Variants in RFX4 observed in about 807,000 individuals in gnomAD.
RFX4 encodes regulatory factor X4.
Under a neutral mutation model 95.0 loss-of-function variants are expected in RFX4, and 10 were observed. The observed-to-expected ratio is 0.11, with a 90% CI of 0.06 to 0.18. RFX4 has a LOEUF of 0.18. RFX4 is among the 10% of genes least tolerant of loss of function. The pLI, the probability that RFX4 is intolerant of heterozygous loss-of-function variation, is 1.00. For missense variants in RFX4, 640 were observed against 922.0 expected (o/e 0.69, Z 3.96); for synonymous variants, 321 against 340.7 (o/e 0.94, Z 0.64).
intron 1 of RFX4, among the ~76,000 whole-genome samples, chr12:106,592,536 C>T (rs1012204765): frequency 6.6e-6 from 1 of 152,156 alleles, no homozygotes; most frequent in African/African-American, 2.4e-5. Flanking sequence ...CTGATCGAGG[C>T]CCCTCCACAA....
intron 4 of RFX4, among the ~76,000 whole-genome samples, chr12:106,657,612 T>C (rs1278755709): frequency 1.3e-5 from 2 of 152,194 alleles, no homozygotes; most frequent in Admixed American, 1.3e-4. Context: ...TTAAGGGTAA[T>C]GAAAGTTCAC....
chr12:106,703,797 G>A (rs2042033224), intron 8 of RFX4, among the ~76,000 whole-genome samples: 1 of 152,156 alleles, frequency 6.6e-6, no homozygotes, highest in Non-Finnish European at 1.5e-5. Context: ...CAGGCATGGT[G>A]GCTCATGCCT....
chr12:106,753,313 C>T (rs892705114), intron 17 of RFX4, among the ~76,000 whole-genome samples: 2 of 152,128 alleles, frequency 1.3e-5, no homozygotes, highest in African/African-American at 2.4e-5. Flanking sequence ...CCAGTCTCTT[C>T]GGCTGGGCAT....
In RFX4 at chr12:106,761,446, G is replaced by T; in HGVS notation, c.2185G>T (p.Ala729Ser). The T allele has an allele frequency of 6.2e-7, 1 of 1,613,790 alleles. No individual in the cohort carries two copies. The highest frequency in any genetic ancestry group is 8.5e-7 in the Non-Finnish European group (1 of 1,179,892). ...FPGFAYINGE[A>S]STGWAK ...TGGCTTTGCTTACATCAACGGAGAG[G>T]CCTCTACAGGATGGGCTAAATGACT... Residue 729 changes from alanine to serine, a missense_variant, in exon 18 of 18, where the codon GCC becomes TCC. Physicochemically the swap from Ala to Ser is moderately conservative, Grantham distance 99. Transcript: ENST00000392842.
intron 7 of RFX4, among the ~76,000 whole-genome samples, chr12:106,690,554 T>G (rs2041759547): frequency 6.6e-6 from 1 of 150,824 alleles, no homozygotes; most frequent in Admixed American, 6.6e-5. Flanking sequence ...ATCCAGTGCG[T>G]TTGTTCTTGG....
intron 6 of RFX4, 151 bp from the exon 7 acceptor site, chr12:106,689,136 A>G (rs568420115): frequency 5.7e-6 from 4 of 700,492 alleles, no homozygotes; most frequent in Admixed American, 2.4e-5. Context: ...AATGAAAATC[A>G]GTCTCACCTG....
At chr12:106,684,821 G>C in intron 5 of RFX4, 1 of 1,555,792 alleles carries the variant, frequency 6.4e-7, no homozygotes, top group South Asian at 1.2e-5. Context: ...AAAATGAACT[G>C]GGCTGCCTTC....
chr12:106,687,547 C>A (rs1481060389), intron 6 of RFX4, among the ~76,000 whole-genome samples: 1 of 131,402 alleles, frequency 7.6e-6, no homozygotes, highest in East Asian at 2.1e-4. Context: ...GAAACTCCAT[C>A]TCAAAAAAAA....
At chr12:106,733,670 G>A (rs1442486587) in intron 15 of RFX4, among the ~76,000 whole-genome samples, 1 of 152,214 alleles carries the variant, frequency 6.6e-6, no homozygotes, top group African/African-American at 2.4e-5. Flanking sequence ...AAGGAGGCAA[G>A]GGCTGTGATG....
In RFX4 at chr12:106,660,254, A is replaced by G. The variant is rs1227536154; in HGVS notation, c.315+5903A>G. ...ACTGCAAAACCAGATGGCAAATGCA[A>G]TTCCTGAGTATGAATGCAAGATTGG... On this transcript the variant is annotated intron_variant, in intron 4 of 17. Coordinates refer to ENST00000392842, the MANE Select transcript of RFX4 (RefSeq NM_213594.3). Among the ~76,000 whole-genome samples, 3 of 152,026 alleles carry G rather than the reference A, an allele frequency of 2.0e-5. No homozygotes were observed. In the East Asian group the frequency reaches 5.9e-4, roughly 30 times the overall value.
At chr12:106,751,086 C>A (rs956635974) in intron 17 of RFX4, among the ~76,000 whole-genome samples, 1 of 143,980 alleles carries the variant, frequency 6.9e-6, no homozygotes, top group Non-Finnish European at 1.5e-5. Context: ...TCCCTCCCCC[C>A]TCCCCCTACC....
intron 3 of RFX4, among the ~76,000 whole-genome samples, chr12:106,643,332 T>A (rs1235089269): frequency 6.6e-6 from 1 of 151,952 alleles, no homozygotes; most frequent in Non-Finnish European, 1.5e-5. Flanking sequence ...AGGTGGCCCA[T>A]GTGGTTGGAG....
intron 16 of RFX4, among the ~76,000 whole-genome samples, chr12:106,749,794 T>C (rs948340784): frequency 6.6e-6 from 1 of 152,152 alleles, no homozygotes; most frequent in Non-Finnish European, 1.5e-5. Flanking sequence ...GTCACACAGC[T>C]AGAAAGTCGT....
At chr12:106,595,424 G>A (rs1379175244) in intron 1 of RFX4, among the ~76,000 whole-genome samples, 1 of 152,162 alleles carries the variant, frequency 6.6e-6, no homozygotes, top group African/African-American at 2.4e-5. Flanking sequence ...TACTGTCGTG[G>A]GTGTCAGTGG....
At chr12:106,617,137 T>C (rs576788616) in intron 2 of RFX4, among the ~76,000 whole-genome samples, 1 of 152,318 alleles carries the variant, frequency 6.6e-6, no homozygotes, top group East Asian at 1.9e-4. Flanking sequence ...ATGTTTTCTC[T>C]GTTTTTCTTC....
chr12:106,643,537 G>A (rs2040679835), intron 3 of RFX4, among the ~76,000 whole-genome samples: 2 of 152,284 alleles, frequency 1.3e-5, no homozygotes, highest in South Asian at 2.1e-4. Flanking sequence ...TATGGTTTCA[G>A]TATAAAAACT....
intron 3 of RFX4, among the ~76,000 whole-genome samples, chr12:106,645,383 C>T (rs866976870): frequency 1.3e-5 from 2 of 152,148 alleles, no homozygotes; most frequent in East Asian, 1.9e-4. Context: ...CCTTGCCGCC[C>T]TTACCCAGAG....
chr12:106,653,719 TGTACA>T (rs1452593005), intron 3 of RFX4, among the ~76,000 whole-genome samples: 3 of 152,246 alleles, frequency 2.0e-5, no homozygotes. Flanking sequence ...GATCAGTGTC[TGTACA>T]GCTATACAGG....
chr12:106,609,804 C>G (rs927244552), intron 2 of RFX4, among the ~76,000 whole-genome samples: 2 of 151,872 alleles, frequency 1.3e-5, no homozygotes, highest in African/African-American at 4.8e-5. Context: ...AGATATAGAA[C>G]CTTTCTTGTC....
Sources: allele counts gnomAD v4.1 joint callset (sites outside exome capture counted in the v4.1 genomes callset), GRCh38; gene constraint gnomAD v4.1.1; transcripts MANE v1.5; gene names NCBI Gene and HGNC (gene_info 2026-07-23, HGNC 2026-07-21).